Variants in RBM47 observed in about 807,000 individuals in gnomAD.
RBM47 encodes RNA binding motif protein 47, also known as RNA-binding protein 47.
A neutral mutation model predicts 47.1 loss-of-function variants in RBM47; 21 were observed. That is an observed-to-expected ratio of 0.45 (90% confidence interval 0.32 to 0.64). The LOEUF (loss-of-function observed/expected upper bound fraction) is 0.64. Ranked by LOEUF, RBM47 falls within the 30% of genes least tolerant of loss-of-function variation. RBM47 has a pLI of 0.05. For synonymous variants in RBM47, 375 were observed against 361.7 expected, an observed-to-expected ratio of 1.04 and a Z score of -0.42; for missense variants, 708 against 870.9, an observed-to-expected ratio of 0.81 and a Z score of 2.35.
At chr4:40,563,039 C>A (rs1280863246) in intron 1 of RBM47, among the ~76,000 whole-genome samples, 1 of 152,062 alleles carries the variant, frequency 6.6e-6, no homozygotes, top group Non-Finnish European at 1.5e-5. Context: ...CATTTGTTAG[C>A]CCTTGCTAAA....
chr4:40,438,185 C>G lies in RBM47; in HGVS notation c.709G>C (p.Val237Leu). The change falls in exon 4 of 7, where the codon GTG (valine) becomes CTG (leucine). Residue 237 changes from valine (V) to leucine (L), a missense_variant. By Grantham distance (32) the Val-to-Leu change is conservative. Coordinates refer to ENST00000295971, the MANE Select transcript of RBM47 (RefSeq NM_001098634.2). The part of the protein sequence containing the change: ...AVDWAEPEID[V>L]DEDVMETVKI... ...ACGGTCTCCATCACGTCCTCGTCCA[C>G]GTCGATCTCAGGTTCGGCCCAGTCC... is the stretch of plus-strand genomic sequence containing the variant. 6.2e-7 allele frequency: 1 copy of G among 1,609,710 alleles called. No homozygotes were observed. Among genetic ancestry groups the G allele is most frequent in the Non-Finnish European group, 8.5e-7 (1 of 1,179,998 alleles).
At chr4:40,530,552 G>A (rs1033910405) in intron 2 of RBM47, among the ~76,000 whole-genome samples, 2 of 151,844 alleles carry the variant, frequency 1.3e-5, no homozygotes, top group African/African-American at 4.8e-5. Flanking sequence ...CACCCGTCTC[G>A]GCCTCCCAAA....
chr4:40,501,358 G>A (rs1352764912), intron 2 of RBM47, among the ~76,000 whole-genome samples: 1 of 152,208 alleles, frequency 6.6e-6, no homozygotes, highest in African/African-American at 2.4e-5. Context: ...AACCCATTTA[G>A]GTTCTGCTGC....
intron 2 of RBM47, among the ~76,000 whole-genome samples, chr4:40,513,132 G>A (rs376716104): frequency 5.9e-5 from 9 of 152,204 alleles, no homozygotes; most frequent in African/African-American, 9.6e-5. Context: ...AAGCCACAGC[G>A]AAGTTTGTCC....
chr4:40,533,172 A>C (rs1260749820), intron 2 of RBM47, among the ~76,000 whole-genome samples: 1 of 152,152 alleles, frequency 6.6e-6, no homozygotes, highest in Non-Finnish European at 1.5e-5. Flanking sequence ...AGTGGCTTAC[A>C]CCTGCAATCC....
chr4:40,513,638 A>C (rs1475316755), intron 2 of RBM47, among the ~76,000 whole-genome samples: 1 of 152,206 alleles, frequency 6.6e-6, no homozygotes, highest in Admixed American at 6.5e-5. Flanking sequence ...AACCATGACC[A>C]GTATAGAAAA....
chr4:40,484,321 A>G (rs1469859232), intron 2 of RBM47, among the ~76,000 whole-genome samples: 1 of 152,156 alleles, frequency 6.6e-6, no homozygotes, highest in Non-Finnish European at 1.5e-5. Flanking sequence ...GATAAAACGA[A>G]CCTATTTGTT....
rs531298071 is a variant in RBM47, at chr4:40,618,454, G to A, written c.-240+10942C>T. 2.2e-4 allele frequency among the ~76,000 whole-genome samples: 33 copies of A among 152,020 alleles called. No homozygotes were observed. In the South Asian group the frequency reaches 3.3e-3, roughly 15 times the overall value. The stretch of plus-strand genomic sequence containing the variant: ...AAAATAAAATAAGAAATACTTTTCC[G>A]AAAAATGAATGCTAGGCACTAGAGG... On this transcript the variant is annotated intron_variant, in intron 1 of 6. Transcript: ENST00000295971.
chr4:40,607,497 A>C (rs1735869226), intron 1 of RBM47, among the ~76,000 whole-genome samples: 1 of 152,182 alleles, frequency 6.6e-6, no homozygotes, highest in African/African-American at 2.4e-5. Context: ...ACTTGAGCCC[A>C]GGAGTTTGAG....
intron 1 of RBM47, among the ~76,000 whole-genome samples, chr4:40,565,444 G>A (rs1731004096): frequency 6.6e-6 from 1 of 152,172 alleles, no homozygotes. Context: ...GGCAAGGGAG[G>A]CCTGGCCGGT....
intron 1 of RBM47, among the ~76,000 whole-genome samples, chr4:40,620,195 G>T (rs1166804879): frequency 1.2e-5 from 1 of 80,218 alleles, no homozygotes. Context: ...GACTCAGTAT[G>T]AAAAAAAAAA....
intron 1 of RBM47, among the ~76,000 whole-genome samples, chr4:40,594,258 C>T (rs1023201800): frequency 1.3e-5 from 2 of 152,102 alleles, no homozygotes; most frequent in African/African-American, 4.8e-5. Flanking sequence ...GGGTACACAC[C>T]TGAGGCCATT....
intron 1 of RBM47, among the ~76,000 whole-genome samples, chr4:40,602,390 C>G (rs1180008872): frequency 1.3e-5 from 2 of 151,960 alleles, no homozygotes; most frequent in Non-Finnish European, 2.9e-5. Context: ...TCGCTCACGC[C>G]TGTAATCCCA....
At chr4:40,448,405 A>G (rs1714892126) in intron 3 of RBM47, among the ~76,000 whole-genome samples, 1 of 152,314 alleles carries the variant, frequency 6.6e-6, no homozygotes, top group South Asian at 2.1e-4. Context: ...ACAGTGGGGT[A>G]CAGTGTCTTC....
chr4:40,533,549 A>G (rs4632692), intron 2 of RBM47, among the ~76,000 whole-genome samples: 69,946 of 151,878 alleles, frequency 0.46, 17,731 homozygotes, highest in African/African-American at 0.68. Context: ...TTATCTATAC[A>G]TTTTTAAAAA....
At chr4:40,558,175 C>G (rs953623781) in intron 1 of RBM47, among the ~76,000 whole-genome samples, 40 of 152,108 alleles carry the variant, frequency 2.6e-4, no homozygotes, top group Non-Finnish European at 1.5e-4. Context: ...AAATAAGTGA[C>G]TCACAGTTTG....
At chr4:40,592,080 T>A (rs1231094784) in intron 1 of RBM47, among the ~76,000 whole-genome samples, 6 of 151,838 alleles carry the variant, frequency 4.0e-5, no homozygotes, top group Non-Finnish European at 5.9e-5. Context: ...ATAATAGGAG[T>A]CTCTCCATTT....
intron 1 of RBM47, among the ~76,000 whole-genome samples, chr4:40,599,481 C>T (rs1173771010): frequency 6.6e-6 from 1 of 152,102 alleles, no homozygotes; most frequent in Non-Finnish European, 1.5e-5. Context: ...TCTTTCTCCA[C>T]TTGAACCTGA....
intron 2 of RBM47, among the ~76,000 whole-genome samples, chr4:40,526,424 T>C (rs549946057): frequency 1.1e-4 from 16 of 151,918 alleles, no homozygotes; most frequent in South Asian, 4.1e-4. Flanking sequence ...CCTTAAAAAA[T>C]GGTTGGGTCT....
Sources: gnomAD v4.1 joint callset for allele counts (sites outside exome capture counted in the v4.1 genomes callset) on GRCh38, gnomAD v4.1.1 for gene constraint, MANE v1.5 for transcripts, NCBI Gene and HGNC (gene_info 2026-07-23, HGNC 2026-07-21) for gene names.